Variants in CELF4 observed in about 807,000 individuals in gnomAD.
The protein encoded by CELF4 is CUGBP Elav-like family member 4.
In CELF4, 18 loss-of-function variants were observed where a neutral mutation model predicts 59.9. That is an observed-to-expected ratio of 0.30 (90% CI 0.21 to 0.45). CELF4 has a LOEUF of 0.45. Ranked by LOEUF, CELF4 falls within the 20% of genes least tolerant of loss-of-function variation. The pLI, the probability that CELF4 is intolerant of heterozygous loss-of-function variation, is 1.00. For missense variants in CELF4, 456 were observed against 689.0 expected, an observed-to-expected ratio of 0.66 and a Z score of 3.79; for synonymous variants, 261 against 267.1, an observed-to-expected ratio of 0.98 and a Z score of 0.22.
At chr18:37,338,760 G>GTGTT (rs1491305973) in intron 2 of CELF4, among the ~76,000 whole-genome samples, 2 of 590 alleles carry the variant, frequency 3.4e-3, no homozygotes, top group Non-Finnish European at 0.019. Flanking sequence ...TGCAGGAGCC[G>GTGTT]TGTGTGTGTG....
At chr18:37,355,904 C>T (rs1196314005) in intron 2 of CELF4, among the ~76,000 whole-genome samples, 1 of 152,180 alleles carries the variant, frequency 6.6e-6, no homozygotes, top group African/African-American at 2.4e-5. Flanking sequence ...TAGGGAGCTG[C>T]AGTGGGGATA....
At chr18:37,331,942 G>A (rs1356321330) in intron 2 of CELF4, among the ~76,000 whole-genome samples, 3 of 152,124 alleles carry the variant, frequency 2.0e-5, no homozygotes, top group Admixed American at 6.5e-5. Flanking sequence ...AGTGGGCAGC[G>A]GGAGCCCCTG....
chr18:37,274,562 G>A (rs2092650419), intron 5 of CELF4, 108 bp from the exon 6 acceptor site: 1 of 1,588,454 alleles, frequency 6.3e-7, no homozygotes, highest in Non-Finnish European at 8.5e-7. Flanking sequence ...GCGCTTTGGA[G>A]GAGGCGGCAT....
At chr18:37,372,674 T>A (rs1260838797) in intron 2 of CELF4, among the ~76,000 whole-genome samples, 1 of 152,068 alleles carries the variant, frequency 6.6e-6, no homozygotes, top group African/African-American at 2.4e-5. Flanking sequence ...TAACCATATA[T>A]TTTCAATGGA....
intron 1 of CELF4, among the ~76,000 whole-genome samples, chr18:37,522,647 A>G (rs949467455): frequency 1.9e-4 from 29 of 152,170 alleles, no homozygotes; most frequent in Admixed American, 1.9e-3. Context: ...GGAATTTTCC[A>G]TGGGTGCAGG....
chr18:37,366,758 A>G (rs1271424711), intron 2 of CELF4, among the ~76,000 whole-genome samples: 2 of 152,100 alleles, frequency 1.3e-5, no homozygotes, highest in African/African-American at 4.8e-5. Context: ...GGGGTCACAG[A>G]ACACCTGGAT....
In CELF4 at chr18:37,425,271, T is replaced by C. The variant is rs954093145; in HGVS notation, c.369+60254A>G. Among the ~76,000 whole-genome samples, 65 of 152,236 alleles carry C rather than the reference T, an allele frequency of 4.3e-4. 2 individuals are homozygous for C. The highest frequency in any genetic ancestry group is 2.1e-4 in the South Asian group (1 of 4,832). Reference sequence around the variant, plus strand: ...CGTGTGTGGGCTGATGACAGGATTGTAGTCCTGCAGGTTGAAATAGGGATG... The same window carrying C: ...CGTGTGTGGGCTGATGACAGGATTGCAGTCCTGCAGGTTGAAATAGGGATG... On this transcript the variant is annotated intron_variant, in intron 2 of 12. Transcript: ENST00000420428.
chr18:37,326,536 G>A (rs2097319374), intron 2 of CELF4, among the ~76,000 whole-genome samples: 1 of 152,202 alleles, frequency 6.6e-6, no homozygotes, highest in South Asian at 2.1e-4. Context: ...TGGAGGCCCT[G>A]TGGCCTTCAG....
At chr18:37,485,500 T>C (rs2099879304) in intron 2 of CELF4, 25 bp downstream of exon 2, 2 of 1,310,228 alleles carry the variant, frequency 1.5e-6, no homozygotes, top group Non-Finnish European at 9.8e-7. Context: ...CGTCGGCCGC[T>C]TGCGCCACGG....
intron 2 of CELF4, among the ~76,000 whole-genome samples, chr18:37,353,231 A>T (rs535352024): frequency 1.2e-4 from 8 of 64,198 alleles, no homozygotes; most frequent in South Asian, 4.4e-4. Context: ...AAAAAAAAAA[A>T]AAATATATAT....
At chr18:37,488,127 G>T (rs1379553912) in intron 1 of CELF4, among the ~76,000 whole-genome samples, 1 of 152,038 alleles carries the variant, frequency 6.6e-6, no homozygotes, top group Admixed American at 6.5e-5. Context: ...CTATCAGCAT[G>T]GTGTGCTCCT....
At chr18:37,489,248 G>A (rs145062375) in intron 1 of CELF4, among the ~76,000 whole-genome samples, 28 of 152,382 alleles carry the variant, frequency 1.8e-4, no homozygotes, top group African/African-American at 6.5e-4. Flanking sequence ...AGGCAAATGC[G>A]GATAAGCAGT....
At chr18:37,359,835 C>G (rs1603627646) in intron 2 of CELF4, among the ~76,000 whole-genome samples, 1 of 151,884 alleles carries the variant, frequency 6.6e-6, no homozygotes, top group African/African-American at 2.4e-5. Context: ...GCATGAGTCA[C>G]CATGCCTGGG....
intron 2 of CELF4, among the ~76,000 whole-genome samples, chr18:37,384,225 G>T (rs1456619520): frequency 6.6e-6 from 1 of 152,174 alleles, no homozygotes; most frequent in African/African-American, 2.4e-5. Flanking sequence ...TGGGGGAGGG[G>T]AGACACTCTG....
At chr18:37,250,384 T>C (rs376114388) in intron 12 of CELF4, among the ~76,000 whole-genome samples, 4 of 149,928 alleles carry the variant, frequency 2.7e-5, no homozygotes, top group African/African-American at 9.9e-5. Context: ...AAAGCCCAAC[T>C]GTACTCCCCA....
chr18:37,283,863 G>A (rs957497866), intron 3 of CELF4, among the ~76,000 whole-genome samples: 1 of 26,628 alleles, frequency 3.8e-5, no homozygotes, highest in African/African-American at 1.3e-4. Flanking sequence ...GGAACAGCAC[G>A]TGCAAAAGCA....
chr18:37,403,062 G>T (rs2099348516), intron 2 of CELF4, among the ~76,000 whole-genome samples: 1 of 152,120 alleles, frequency 6.6e-6, no homozygotes, highest in South Asian at 2.1e-4. Context: ...CTGGGAGGAA[G>T]GGAAGGAGGA....
chr18:37,331,544 C>G (rs1232048127), intron 2 of CELF4, among the ~76,000 whole-genome samples: 2 of 152,110 alleles, frequency 1.3e-5, no homozygotes, highest in Admixed American at 6.6e-5. Context: ...TGGAAGGAAC[C>G]AGGCGTGTGG....
intron 3 of CELF4, among the ~76,000 whole-genome samples, chr18:37,310,100 A>G (rs2154486206): frequency 6.6e-6 from 1 of 151,878 alleles, no homozygotes; most frequent in East Asian, 1.9e-4. Flanking sequence ...TAAAATGACA[A>G]CTTCAACAGC....
Sources: allele counts gnomAD v4.1 joint callset (sites outside exome capture counted in the v4.1 genomes callset), GRCh38; gene constraint gnomAD v4.1.1; transcripts MANE v1.5; gene names NCBI Gene and HGNC (gene_info 2026-07-23, HGNC 2026-07-21).